The following ORC1 variants were observed in gnomAD, a reference collection of about 807,000 sequenced individuals.
ORC1 encodes the protein origin recognition complex, subunit 1 homolog.
In ORC1, 61 loss-of-function variants were observed where a neutral mutation model predicts 98.9. The ratio of observed to expected loss-of-function variants is 0.62; its 90% CI spans 0.50 to 0.76. ORC1 has a LOEUF of 0.76. Ranked by LOEUF, ORC1 falls within the 30% of genes least tolerant of loss-of-function variation. The pLI, the probability that ORC1 is intolerant of heterozygous loss-of-function variation, is 0.00. For synonymous variants in ORC1, 385 were observed against 406.9 expected, an observed-to-expected ratio of 0.95 and a Z score of 0.65; for missense variants, 979 against 1,072.2, an observed-to-expected ratio of 0.91 and a Z score of 1.21.
chr1:52,405,534 G>A, upstream of ORC1: 1 of 691,556 alleles, frequency 1.4e-6, no homozygotes, highest in Non-Finnish European at 2.5e-6. Flanking sequence ...TATATTAGCT[G>A]TTGTCGTTAC....
chr1:52,392,637 T>C (rs1337441115), intron 6 of ORC1, among the ~76,000 whole-genome samples: 5 of 152,148 alleles, frequency 3.3e-5, no homozygotes, highest in African/African-American at 1.2e-4. Context: ...CAATTTGCAA[T>C]TGCAAAAATA....
At chr1:52,401,313 C>T (rs774421615) in intron 3 of ORC1, 49 bp downstream of exon 3, 34 of 1,611,016 alleles carry the variant, frequency 2.1e-5, no homozygotes, top group Non-Finnish European at 2.5e-5. Context: ...TCCCCACCTC[C>T]CAATCATTCA....
At position 52,387,142 on chromosome 1, in the gene ORC1, T is replaced by G. The variant is rs569887201; in HGVS notation, c.1384-1193A>C. Among the ~76,000 whole-genome samples the G allele has an allele frequency of 7.2e-5, 11 of 152,204 alleles. No homozygotes were observed. The East Asian group carries it at 1.7e-3, about 24-fold the overall frequency. ...AGGAGACACAATCAAACCAGAGGCC[T>G]GTTAGGAACCAGGACACAGCAGGAG... On this transcript the variant is annotated intron_variant, in intron 8 of 16. Coordinates refer to ENST00000371568, the MANE Select transcript of ORC1 (RefSeq NM_004153.4).
intron 8 of ORC1, 146 bp downstream of exon 8, chr1:52,388,296 T>C: frequency 1.2e-6 from 1 of 809,632 alleles, no homozygotes; most frequent in Non-Finnish European, 2.2e-6. Context: ...GGTCCCCTTC[T>C]CCATGAATAT....
rs764553903 is a variant in ORC1 at position 52,396,246 on chromosome 1, G to A, written c.521C>T (p.Ala174Val). The change falls in exon 5 of 17, where the codon GCG becomes GTG. Residue 174 changes from alanine to valine, a missense_variant. Transcript: ENST00000371568. ...ACTCTCTTGTGGTTTATTCAACTCCGCAAATAGTTCTGAGGAAAGTGGCCT... is the reference window on the plus strand; with the variant it reads ...ACTCTCTTGTGGTTTATTCAACTCCACAAATAGTTCTGAGGAAAGTGGCCT... Reference protein sequence around the residue: ...KFRPLSSELFAELNKPQESAA... With the variant: ...KFRPLSSELFVELNKPQESAA... The A allele has an allele frequency of 7.4e-6, 12 of 1,614,042 alleles. No homozygotes were observed. Among genetic ancestry groups the A allele is most frequent in the Admixed American group, 6.7e-5 (4 of 59,998 alleles).
chr1:52,385,071 A>T (rs1647124944), intron 10 of ORC1, 90 bp downstream of exon 10: 1 of 867,084 alleles, frequency 1.2e-6, no homozygotes, highest in East Asian at 2.4e-5. Flanking sequence ...ATACTGGAGA[A>T]AGCCTGTATG....
At chr1:52,404,535 C>G (rs775374241), upstream of ORC1, 7 of 508,436 alleles carry the variant, frequency 1.4e-5, no homozygotes, top group Non-Finnish European at 2.4e-5. Context: ...GGGCGCATGA[C>G]GTACATCCGC....
In ORC1 at chr1:52,373,176, C is replaced by T. The variant is rs1223615312; in HGVS notation, c.*5G>A. On this transcript the variant is annotated 3_prime_UTR_variant, in exon 17 of 17. Coordinates refer to ENST00000371568, the MANE Select transcript of ORC1 (RefSeq NM_004153.4). Reference sequence around the variant, plus strand: ...GACCCCAGTCTTTTAACTTGTGAAGCCCCTTTACTCGTCTTTCAGCGCATA... The same window carrying T: ...GACCCCAGTCTTTTAACTTGTGAAGTCCCTTTACTCGTCTTTCAGCGCATA... 3.1e-6 allele frequency: 5 copies of T among 1,613,822 alleles called. No individual in the cohort carries two copies. The highest frequency in any genetic ancestry group is 4.2e-6 in the Non-Finnish European group (5 of 1,179,870).
intron 11 of ORC1, among the ~76,000 whole-genome samples, chr1:52,384,179 A>C (rs1647110628): frequency 6.6e-6 from 1 of 152,216 alleles, no homozygotes; most frequent in African/African-American, 2.4e-5. Context: ...GCCCCCTTAA[A>C]ATCACTATTA....
Position 52,388,536 on chromosome 1 carries a change from G to T in ORC1, c.1289C>A (p.Pro430His). The change falls in exon 8 of 17, where the codon CCC (proline) becomes CAC (histidine). Residue 430 changes from proline (P) to histidine (H), a missense_variant. Pro to His is a moderately conservative substitution (Grantham distance 77). Coordinates refer to ENST00000371568, the MANE Select transcript of ORC1 (RefSeq NM_004153.4). ...AGTTCTGGGTGCTCTCCTTGGAAGG[G>T]GCGGTGTGGAAGCCTCTTCTTCGTC... ...SSDEEEASTPPLPRRAPRTVS... is the reference protein window; with the variant it reads ...SSDEEEASTPHLPRRAPRTVS... 1 of 1,614,114 alleles carries T rather than the reference G, an allele frequency of 6.2e-7. No homozygotes were observed. Among genetic ancestry groups the T allele is most frequent in the South Asian group, 1.1e-5 (1 of 91,080 alleles).
chr1:52,378,693 G>A (rs1434619057), intron 14 of ORC1, among the ~76,000 whole-genome samples: 1 of 151,374 alleles, frequency 6.6e-6, no homozygotes, highest in South Asian at 2.1e-4. Flanking sequence ...CCCACCCCAA[G>A]ACTCTAAAAG....
chr1:52,385,747 G>A (rs1647133946), intron 9 of ORC1, 105 bp downstream of exon 9: 1 of 779,078 alleles, frequency 1.3e-6, no homozygotes, highest in Non-Finnish European at 2.3e-6. Context: ...GACACACAGT[G>A]TATCTACCTT....
chr1:52,389,351 A>T (rs1466257725), intron 6 of ORC1, 30 bp from the exon 7 acceptor site: 1 of 1,561,312 alleles, frequency 6.4e-7, no homozygotes, highest in Admixed American at 1.7e-5. Flanking sequence ...GGTCACGGGA[A>T]GCAGTTTTGG....
chr1:52,386,791 C>T (rs1043115724), intron 8 of ORC1, among the ~76,000 whole-genome samples: 1 of 151,972 alleles, frequency 6.6e-6, no homozygotes, highest in Non-Finnish European at 1.5e-5. Context: ...GAGGTGAAAG[C>T]CCCCTCTAAA....
intron 5 of ORC1, 46 bp downstream of exon 5, chr1:52,396,000 C>A (rs1647374242): frequency 1.2e-6 from 2 of 1,613,478 alleles, no homozygotes; most frequent in Non-Finnish European, 1.7e-6. Context: ...TATCACATAA[C>A]CCTTTAGCCC....
intron 14 of ORC1, among the ~76,000 whole-genome samples, 162 bp downstream of exon 14, chr1:52,381,480 A>G (rs1313551107): frequency 6.6e-6 from 1 of 152,234 alleles, no homozygotes; most frequent in Non-Finnish European, 1.5e-5. Context: ...TAATCATAAA[A>G]TAACAAGGCT....
At chr1:52,387,992 T>C (rs1247911774) in intron 8 of ORC1, among the ~76,000 whole-genome samples, 2 of 152,236 alleles carry the variant, frequency 1.3e-5, no homozygotes, top group Non-Finnish European at 2.9e-5. Flanking sequence ...GAAAAGATGT[T>C]CATTGATCTC....
chr1:52,391,436 G>A (rs1185909281), intron 6 of ORC1, among the ~76,000 whole-genome samples: 1 of 151,976 alleles, frequency 6.6e-6, no homozygotes, highest in Non-Finnish European at 1.5e-5. Context: ...TAAATAAATG[G>A]GACCTAATGA....
At chr1:52,398,124 T>C (rs1483100009) in intron 3 of ORC1, among the ~76,000 whole-genome samples, 1 of 151,990 alleles carries the variant, frequency 6.6e-6, no homozygotes, top group Non-Finnish European at 1.5e-5. Context: ...CCATCCTACC[T>C]GGCTAATTTT....
Sources: gnomAD v4.1 joint callset for allele counts (sites outside exome capture counted in the v4.1 genomes callset) on GRCh38, gnomAD v4.1.1 for gene constraint, MANE v1.5 for transcripts, NCBI Gene and HGNC (gene_info 2026-07-23, HGNC 2026-07-21) for gene names.